DNAH5: variants seen among roughly 807,000 people sequenced by gnomAD.
DNAH5 encodes the protein axonemal beta dynein heavy chain 5.
Under a neutral mutation model 518.2 loss-of-function variants are expected in DNAH5, and 372 were observed. The observed-to-expected ratio is 0.72, with a 90% CI of 0.66 to 0.78. DNAH5 has a LOEUF of 0.78. Ranked by LOEUF, DNAH5 falls within the 30% of genes least tolerant of loss-of-function variation. The pLI is 0.00. For missense variants in DNAH5, 5,523 were observed against 5,687.0 expected (o/e 0.97, Z 0.93); for synonymous variants, 2,039 against 2,025.9 (o/e 1.01, Z -0.17).
At chr5:13,861,351 A>C (rs811249) in intron 29 of DNAH5, among the ~76,000 whole-genome samples, 1 of 152,346 alleles carries the variant, frequency 6.6e-6, no homozygotes, top group South Asian at 2.1e-4. Context: ...TGTAACAAGT[A>C]AACTGAAATA....
At chr5:13,935,004 C>T (rs1461720476) in intron 1 of DNAH5, among the ~76,000 whole-genome samples, 1 of 152,218 alleles carries the variant, frequency 6.6e-6, no homozygotes, top group Non-Finnish European at 1.5e-5. Flanking sequence ...AGTGATCACT[C>T]TAAGTTTGTG....
At chr5:13,960,879 C>T (rs1172397399) in intron 1 of DNAH5, among the ~76,000 whole-genome samples, 1 of 152,156 alleles carries the variant, frequency 6.6e-6, no homozygotes, top group African/African-American at 2.4e-5. Context: ...TTTTTGATAT[C>T]GAGTATTGTG....
chr5:13,782,884 T>C (rs1755396302), intron 52 of DNAH5, among the ~76,000 whole-genome samples: 1 of 152,064 alleles, frequency 6.6e-6, no homozygotes, highest in Non-Finnish European at 1.5e-5. Flanking sequence ...TATATACAGA[T>C]TGTGAGGTGG....
chr5:13,928,102 G>T lies in DNAH5; in HGVS notation c.269C>A (p.Ala90Glu), dbSNP rs758559495. Residue 90 changes from alanine (A) to glutamate (E), a missense_variant, in exon 3 of 79, where the codon GCA (alanine) becomes GAA (glutamate). Transcript: ENST00000265104. ...ACATCAAATTCAGATACCTGTTTCT[G>T]CTTCCTCCACATCTTGATAGTAAAA... ...LMFYYQDVEE[A>E]ETGQLGSLGG... The T allele has an allele frequency of 1.9e-6, 3 of 1,612,924 alleles. No individual in the cohort carries two copies. In the South Asian group the frequency reaches 3.3e-5, roughly 18 times the overall value.
chr5:13,815,789 G>A (rs1330535149), intron 42 of DNAH5, among the ~76,000 whole-genome samples: 1 of 152,172 alleles, frequency 6.6e-6, no homozygotes, highest in African/African-American at 2.4e-5. Flanking sequence ...AGAGATCCTC[G>A]TAGAGTTGCT....
At chr5:13,877,777 C>T (rs2151930704) in intron 21 of DNAH5, among the ~76,000 whole-genome samples, 1 of 152,272 alleles carries the variant, frequency 6.6e-6, no homozygotes, top group East Asian at 1.9e-4. Context: ...TCTTAAGGTT[C>T]CCCATGGCTT....
intron 70 of DNAH5, among the ~76,000 whole-genome samples, chr5:13,721,457 T>C (rs138860125): frequency 6.6e-6 from 1 of 152,258 alleles, no homozygotes; most frequent in Non-Finnish European, 1.5e-5. Flanking sequence ...CAGTACAAAA[T>C]CAGAGTGTCA....
At position 13,793,953 on chromosome 5, in the gene DNAH5, T is replaced by C; in HGVS notation, c.7993A>G (p.Asn2665Asp). 6.2e-7 allele frequency: 1 copy of C among 1,614,084 alleles called. No homozygotes were observed. The highest frequency in any genetic ancestry group is 8.5e-7 in the Non-Finnish European group (1 of 1,179,954). The change falls in exon 48 of 79, where the codon AAT becomes GAT. Residue 2665 changes from asparagine (N) to aspartate (D), a missense_variant. Asn to Asp is a conservative substitution (Grantham distance 23). Coordinates refer to ENST00000265104, the MANE Select transcript of DNAH5 (RefSeq NM_001369.3). ...GATGATACCTGATCTCCCCACTCAT[T>C]GATTATTGGCATATTCACATCATCA... ...FIDDVNMPII[N>D]EWGDQVTNEI...
chr5:13,930,623 A>G (rs192324439), intron 2 of DNAH5, among the ~76,000 whole-genome samples: 103 of 152,270 alleles, frequency 6.8e-4, no homozygotes, highest in Non-Finnish European at 1.2e-3. Context: ...AAAGCAAATC[A>G]CACCCCCAGT....
chr5:13,812,790 C>T (rs901044514), intron 43 of DNAH5, among the ~76,000 whole-genome samples: 3 of 152,136 alleles, frequency 2.0e-5, no homozygotes, highest in South Asian at 2.1e-4. Flanking sequence ...TAACACACAG[C>T]GTTTCCTTAA....
chr5:13,753,265 T>A lies in DNAH5; in HGVS notation c.10840A>T (p.Ile3614Phe), dbSNP rs761714672. 7 of 1,613,972 alleles carry A rather than the reference T, an allele frequency of 4.3e-6. No individual in the cohort carries two copies. The highest frequency in any genetic ancestry group is 5.9e-6 in the Non-Finnish European group (7 of 1,179,874). The stretch of plus-strand genomic sequence containing the variant: ...TCATTTCGGCTTTCTTTATTTTTAA[T>A]CCAGATCTTGCCTTGAGTCTGTGGA... ...IDPQTQGKIW[I>F]KNKESRNELQ... The change falls in exon 63 of 79, where the codon ATT becomes TTT. Residue 3614 changes from isoleucine (I) to phenylalanine (F), a missense_variant. Around this residue, in one of 3 missense-constraint regions of DNAH5, gnomAD observed 5,121 missense variants for 5,223.3 expected, o/e 0.98. Coordinates refer to ENST00000265104, the MANE Select transcript of DNAH5 (RefSeq NM_001369.3).
At chr5:13,885,625 G>C (rs1490988181) in intron 18 of DNAH5, among the ~76,000 whole-genome samples, 2 of 152,076 alleles carry the variant, frequency 1.3e-5, no homozygotes, top group Non-Finnish European at 2.9e-5. Flanking sequence ...CAAAAGGTGC[G>C]CTCAGTCTAG....
chr5:13,937,301 G>A (rs1257987122), intron 1 of DNAH5, among the ~76,000 whole-genome samples: 5 of 149,840 alleles, frequency 3.3e-5, no homozygotes, highest in Non-Finnish European at 1.5e-5. Context: ...AGGGTTATAC[G>A]AGGAGTTGTA....
Position 13,900,421 on chromosome 5 carries a change from A to C in DNAH5, c.2053-9T>G. On this transcript the variant is annotated splice_polypyrimidine_tract_variant and intron_variant, in intron 14 of 78. Coordinates refer to ENST00000265104, the MANE Select transcript of DNAH5 (RefSeq NM_001369.3). ...ACATGAATTTCTTCAATCTGTGGGA[A>C]GAAACCAACATCATTACTATCAGAA... 6.2e-7 allele frequency: 1 copy of C among 1,609,586 alleles called. No individual in the cohort carries two copies. The highest frequency in any genetic ancestry group is 1.1e-5 in the South Asian group (1 of 90,990).
intron 47 of DNAH5, among the ~76,000 whole-genome samples, chr5:13,798,945 T>C (rs1368904449): frequency 6.6e-6 from 1 of 151,856 alleles, no homozygotes; most frequent in East Asian, 1.9e-4. Flanking sequence ...TTTGTATTTT[T>C]AGTAGAGATG....
In DNAH5 at chr5:13,925,552, A is replaced by C. The variant is rs148735547; in HGVS notation, c.278-2112T>G. Among the ~76,000 whole-genome samples the C allele has an allele frequency of 1.3e-3, 191 of 152,316 alleles. 1 individual carries two copies. Among genetic ancestry groups the C allele is most frequent in the African/African-American group, 4.4e-3 (183 of 41,560 alleles). The stretch of plus-strand genomic sequence containing the variant: ...TCATAGCAGAAGGCAAGGAGGAGCA[A>C]GTCACGTCTTACATGAATGGCAGCA... On this transcript the variant is annotated intron_variant, in intron 3 of 78. Transcript: ENST00000265104.
chr5:13,776,598 C>A lies in DNAH5; in HGVS notation c.9214G>T (p.Asp3072Tyr). ...TGTCGGACCCGACTCATGAAGTAGT[C>A]GTGCAGGTTCTCATTGGTAGGAAGG... ...RCLPTNENLH[D>Y]YFMSRVRQNL... Residue 3072 changes from aspartate to tyrosine, a missense_variant, in exon 55 of 79, where the codon GAC (aspartate) becomes TAC (tyrosine). Asp to Tyr is a radical substitution (Grantham distance 160). This residue lies in a region of DNAH5 where 5,121 missense variants were observed against 5,223.3 expected (regional missense o/e 0.98). Transcript: ENST00000265104. The A allele has an allele frequency of 6.2e-7, 1 of 1,613,900 alleles. No homozygotes were observed. Among genetic ancestry groups the A allele is most frequent in the Non-Finnish European group, 8.5e-7 (1 of 1,179,854 alleles).
At position 13,708,239 on chromosome 5, in the gene DNAH5, G is replaced by A. The variant is rs150046963; in HGVS notation, c.13222C>T (p.Arg4408Cys). 61 of 1,613,992 alleles carry A rather than the reference G, an allele frequency of 3.8e-5. 1 individual carries two copies. The highest frequency in any genetic ancestry group is 1.6e-4 in the Middle Eastern group (1 of 6,084). Residue 4408 changes from arginine to cysteine, a missense_variant, in exon 76 of 79, where the codon CGC becomes TGC. Coordinates refer to ENST00000265104, the MANE Select transcript of DNAH5 (RefSeq NM_001369.3). ...AGTTTCAGCTCAGTGAGGGTGCTGCGGACAAGGCTGAGTACCCTTTGCATT... is the reference window on the plus strand; with the variant it reads ...AGTTTCAGCTCAGTGAGGGTGCTGCAGACAAGGCTGAGTACCCTTTGCATT... ...DRMQRVLSLVRSTLTELKLAI... is the reference protein window; with the variant it reads ...DRMQRVLSLVCSTLTELKLAI...
intron 52 of DNAH5, among the ~76,000 whole-genome samples, chr5:13,782,802 G>C (rs1205861446): frequency 2.0e-5 from 3 of 152,202 alleles, no homozygotes; most frequent in Non-Finnish European, 4.4e-5. Context: ...GAGAAGGCTT[G>C]CAAAGCAGAC....
Sources: allele counts gnomAD v4.1 joint callset (sites outside exome capture counted in the v4.1 genomes callset), GRCh38; gene constraint gnomAD v4.1.1; regional missense constraint gnomAD v4.1.1; transcripts MANE v1.5; gene names NCBI Gene and HGNC (gene_info 2026-07-23, HGNC 2026-07-21).